Variants in FBXW11 observed in about 807,000 individuals in gnomAD.
The protein encoded by FBXW11 is F-box and WD repeat domain containing 11.
A neutral mutation model predicts 77.6 loss-of-function variants in FBXW11; 19 were observed. The ratio of observed to expected loss-of-function variants is 0.24; its 90% CI spans 0.17 to 0.36. The LOEUF is 0.36. Ranked by LOEUF, FBXW11 falls within the 10% of genes least tolerant of loss-of-function variation. The probability of loss-of-function intolerance (pLI) is 1.00; values close to 1 mark genes in which losing one functional copy is unlikely to be tolerated. For missense variants in FBXW11, 334 were observed against 704.2 expected (o/e 0.47, Z 5.95); for synonymous variants, 235 against 249.4 (o/e 0.94, Z 0.54).
At chr5:171,987,508 T>C (rs1195451573) in intron 1 of FBXW11, among the ~76,000 whole-genome samples, 2 of 152,158 alleles carry the variant, frequency 1.3e-5, no homozygotes, top group African/African-American at 2.4e-5. Context: ...TGGAGTGCAG[T>C]GGCACAATCT....
intron 3 of FBXW11, among the ~76,000 whole-genome samples, chr5:171,911,705 T>A (rs1020396878): frequency 4.6e-5 from 7 of 152,304 alleles, no homozygotes; most frequent in African/African-American, 1.7e-4. Flanking sequence ...CAGACTCTTA[T>A]ACTAACAATG....
At chr5:171,942,297 C>T (rs1055757405) in intron 2 of FBXW11, among the ~76,000 whole-genome samples, 1 of 151,428 alleles carries the variant, frequency 6.6e-6, no homozygotes, top group Non-Finnish European at 1.5e-5. Flanking sequence ...TATAGCAGAG[C>T]TACCCAGTTC....
chr5:171,908,084 G>A (rs1335232950), intron 4 of FBXW11, among the ~76,000 whole-genome samples: 1 of 152,098 alleles, frequency 6.6e-6, no homozygotes, highest in African/African-American at 2.4e-5. Flanking sequence ...ACTTATGAGG[G>A]ACAAATACAA....
chr5:172,004,709 TAAG>T (rs1219520827), intron 1 of FBXW11, among the ~76,000 whole-genome samples: 2 of 152,192 alleles, frequency 1.3e-5, no homozygotes, highest in African/African-American at 4.8e-5. Flanking sequence ...TGTACATTCT[TAAG>T]AATATGTAAT....
intron 6 of FBXW11, among the ~76,000 whole-genome samples, chr5:171,893,420 C>CAAAAAAAAAAAAAAAAAAAAA (rs1561656713): frequency 2.2e-4 from 1 of 4,532 alleles, no homozygotes; most frequent in Non-Finnish European, 1.2e-3. Context: ...CACTTCAAAA[C>CAAAAAAAAAAAAAAAAAAAAA]CAAAAAAAAA....
chr5:171,880,647 T>C (rs1440738600), intron 7 of FBXW11, among the ~76,000 whole-genome samples: 2 of 152,206 alleles, frequency 1.3e-5, no homozygotes. Context: ...TATAAATATT[T>C]TGTTAGATTT....
At chr5:171,870,569 GTTC>G (rs1197599656) in intron 11 of FBXW11, among the ~76,000 whole-genome samples, 176 bp downstream of exon 11, 2 of 152,180 alleles carry the variant, frequency 1.3e-5, no homozygotes, top group Non-Finnish European at 2.9e-5. Context: ...GTAAGATTTA[GTTC>G]TTCTTTCTGG....
intron 1 of FBXW11, among the ~76,000 whole-genome samples, chr5:171,970,184 T>C (rs751036345): frequency 3.4e-4 from 51 of 152,190 alleles, no homozygotes; most frequent in Admixed American, 1.2e-3. Flanking sequence ...CCCACCCAAA[T>C]CTCATCTCCC....
At chr5:171,888,692 G>A (rs1759083742) in intron 7 of FBXW11, among the ~76,000 whole-genome samples, 1 of 152,146 alleles carries the variant, frequency 6.6e-6, no homozygotes, top group Non-Finnish European at 1.5e-5. Context: ...CAAGAAAGAT[G>A]AACAATCTCA....
chr5:171,972,452 G>T (rs927267936), intron 1 of FBXW11, among the ~76,000 whole-genome samples: 2 of 116,810 alleles, frequency 1.7e-5, no homozygotes, highest in Admixed American at 2.4e-4. Context: ...AGTGAGCCAA[G>T]ATCATGCCAC....
At chr5:171,997,163 A>G in intron 1 of FBXW11, 1 of 890,108 alleles carries the variant, frequency 1.1e-6, no homozygotes. Context: ...AGGCACAGGA[A>G]AAAAGTTATA....
At chr5:171,935,909 G>C (rs887140959) in intron 2 of FBXW11, among the ~76,000 whole-genome samples, 1 of 151,716 alleles carries the variant, frequency 6.6e-6, no homozygotes, top group East Asian at 1.9e-4. Flanking sequence ...TCAGGAGTTC[G>C]AGACAAGCCT....
intron 1 of FBXW11, among the ~76,000 whole-genome samples, chr5:171,986,194 G>A (rs1320620102): frequency 6.6e-6 from 1 of 152,042 alleles, no homozygotes; most frequent in African/African-American, 2.4e-5. Context: ...GATCACTTGA[G>A]GCCAGGAGTT....
At chr5:171,961,715 T>C (rs995836818) in intron 1 of FBXW11, among the ~76,000 whole-genome samples, 7 of 152,168 alleles carry the variant, frequency 4.6e-5, no homozygotes, top group Admixed American at 4.6e-4. Flanking sequence ...GGCATGATCT[T>C]GGCTCACTGA....
intron 2 of FBXW11, among the ~76,000 whole-genome samples, chr5:171,919,207 T>C (rs1056388542): frequency 2.0e-5 from 3 of 152,160 alleles, no homozygotes; most frequent in African/African-American, 7.2e-5. Flanking sequence ...ATGAGGACTA[T>C]AAATAACAGG....
At chr5:171,977,792 T>C in intron 1 of FBXW11, 1 of 314,796 alleles carries the variant, frequency 3.2e-6, no homozygotes, top group South Asian at 2.4e-5. Flanking sequence ...TTATTCACTA[T>C]CACGAGAACA....
At chr5:171,878,346 C>G (rs1289364181) in intron 7 of FBXW11, among the ~76,000 whole-genome samples, 1 of 152,140 alleles carries the variant, frequency 6.6e-6, no homozygotes. Context: ...AATTTGAACC[C>G]TTAGCTATTG....
At chr5:171,989,739 GGTTT>G (rs1561754095) in intron 1 of FBXW11, among the ~76,000 whole-genome samples, 4 of 152,138 alleles carry the variant, frequency 2.6e-5, no homozygotes, top group African/African-American at 7.2e-5. Flanking sequence ...CTGTTTTGTC[GGTTT>G]GTTTGTTTTA....
At chr5:171,888,383 T>C (rs1350341110) in intron 7 of FBXW11, among the ~76,000 whole-genome samples, 1 of 152,240 alleles carries the variant, frequency 6.6e-6, no homozygotes, top group East Asian at 1.9e-4. Flanking sequence ...AATGAGCTGA[T>C]ATTTAAAGCA....
Sources: allele counts gnomAD v4.1 joint callset (sites outside exome capture counted in the v4.1 genomes callset), GRCh38; gene constraint gnomAD v4.1.1; transcripts MANE v1.5; gene names NCBI Gene and HGNC (gene_info 2026-07-23, HGNC 2026-07-21).